The following GATA3 variants were observed in gnomAD, a reference collection of about 807,000 sequenced individuals.
The protein encoded by GATA3 is trans-acting T-cell-specific transcription factor GATA-3.
Under a neutral mutation model 36.0 loss-of-function variants are expected in GATA3, and 6 were observed. The ratio of observed to expected loss-of-function variants is 0.17; its 90% CI spans 0.09 to 0.33. The LOEUF (loss-of-function observed/expected upper bound fraction) is 0.33, where lower values mean the gene tolerates loss of function less well. Ranked by LOEUF, GATA3 falls within the 10% of genes least tolerant of loss-of-function variation. The pLI is 1.00. For missense variants in GATA3, 514 were observed against 610.1 expected, an observed-to-expected ratio of 0.84 and a Z score of 1.66; for synonymous variants, 326 against 273.0, an observed-to-expected ratio of 1.19 and a Z score of -1.92.
rs2131482223 is a variant in GATA3 at position 8,055,691 on chromosome 10, C to T, written c.36C>T (p.Ser12=). Residue 12 remains serine (S), a synonymous_variant, in exon 2 of 6, where the codon AGC becomes AGT. Transcript: ENST00000379328. The surrounding 1 kb of genome is among the most constrained non-coding windows in gnomAD (Gnocchi z 5.4). ...CGGCGGACCAGCCGCGCTGGGTGAG[C>T]CACCACCACCCCGCCGTGCTCAACG... The part of the protein sequence containing the change: ...EVTADQPRWV[S]HHHPAVLNGQ... 9 of 1,559,282 alleles carry T rather than the reference C, an allele frequency of 5.8e-6. No homozygotes were observed. The South Asian group carries it at 1.1e-4, about 18-fold the overall frequency.
Position 8,072,657 on chromosome 10 carries a change from G to T in GATA3, c.1051-1082G>T, listed in dbSNP as rs1045077765. On this transcript the variant is annotated intron_variant, in intron 5 of 5. Coordinates refer to ENST00000379328, the MANE Select transcript of GATA3 (RefSeq NM_001002295.2). ...ATCTTGAGAGTAGGGTCTGGTCTCT[G>T]TCTCTTTACTCTAGCACATTCTTGG... Among the ~76,000 whole-genome samples the T allele has an allele frequency of 3.3e-5, 5 of 152,322 alleles. No individual in the cohort carries two copies. The East Asian group carries it at 9.6e-4, about 29-fold the overall frequency.
At chr10:8,067,796 C>G (rs563466238) in intron 4 of GATA3, among the ~76,000 whole-genome samples, 3 of 152,036 alleles carry the variant, frequency 2.0e-5, no homozygotes, top group Admixed American at 6.5e-5. Flanking sequence ...CCAGCCTGGG[C>G]GACAGAGCGA....
chr10:8,064,311 C>CTTTTTTTTTTTTTTT, intron 4 of GATA3, among the ~76,000 whole-genome samples, 173 bp downstream of exon 4: 1 of 51,426 alleles, frequency 1.9e-5, no homozygotes, highest in Non-Finnish European at 3.8e-5. Flanking sequence ...TCTTCTTCTT[C>CTTTTTTTTTTTTTTT]TTTTTTTTTT....
intron 4 of GATA3, among the ~76,000 whole-genome samples, chr10:8,067,071 C>T (rs1012971424): frequency 6.6e-6 from 1 of 151,674 alleles, no homozygotes; most frequent in Admixed American, 6.6e-5. Flanking sequence ...ATAATAATCA[C>T]ATATAATTTA....
intron 1 of GATA3, among the ~76,000 whole-genome samples, chr10:8,048,064 G>A (rs1351959073): frequency 6.6e-6 from 1 of 152,150 alleles, no homozygotes; most frequent in African/African-American, 2.4e-5. Context: ...CCCTGCCAGA[G>A]TGTCCCGCTA....
chr10:8,062,779 A>G (rs1428594829), intron 3 of GATA3, among the ~76,000 whole-genome samples: 1 of 152,022 alleles, frequency 6.6e-6, no homozygotes, highest in Non-Finnish European at 1.5e-5. Flanking sequence ...GACCAACTTG[A>G]GTTAAGCCTC....
chr10:8,056,544 G>A (rs187361401), intron 2 of GATA3, among the ~76,000 whole-genome samples: 124 of 152,202 alleles, frequency 8.1e-4, no homozygotes, highest in African/African-American at 2.8e-3. Context: ...AAGGGGTTTG[G>A]GGGGGAAGAC....
Position 8,055,781 on chromosome 10 carries a change from G to T in GATA3, c.126G>T (p.Pro42=). Residue 42 remains proline, a synonymous_variant, in exon 2 of 6, where the codon CCG becomes CCT. Coordinates refer to ENST00000379328, the MANE Select transcript of GATA3 (RefSeq NM_001002295.2). The surrounding 1 kb of genome is among the most constrained non-coding windows in gnomAD (Gnocchi z 5.4). ...SHSYMDAAQY[P]LPEEVDVLFN... ...CCTACATGGACGCGGCGCAGTACCCGCTGCCGGAGGAGGTGGATGTGCTTT... is the reference window on the plus strand; with the variant it reads ...CCTACATGGACGCGGCGCAGTACCCTCTGCCGGAGGAGGTGGATGTGCTTT... 6.3e-7 allele frequency: 1 copy of T among 1,592,258 alleles called. No homozygotes were observed.
At chr10:8,050,993 G>C, upstream of GATA3, 1 of 500,280 alleles carries the variant, frequency 2.0e-6, no homozygotes, top group Non-Finnish European at 4.1e-6. Context: ...GCCTGGCTCT[G>C]GTGGGTGGCC....
At chr10:8,051,408 G>C (rs932490889), upstream of GATA3, 1 of 219,510 alleles carries the variant, frequency 4.6e-6, no homozygotes, top group Non-Finnish European at 9.5e-6. Context: ...TCGCCTGCTC[G>C]GCTGCGGGAT....
upstream of GATA3, among the ~76,000 whole-genome samples, chr10:8,054,495 C>T (rs1004677092): frequency 6.6e-6 from 1 of 151,942 alleles, no homozygotes; most frequent in Non-Finnish European, 1.5e-5. This position sits in a 1 kb window ranked among gnomAD's most constrained non-coding sequence, Gnocchi z 4.2. Flanking sequence ...CTGCGGCGCC[C>T]CTTTCCGGTC....
chr10:8,060,191 A>C (rs1485108978), intron 3 of GATA3, among the ~76,000 whole-genome samples: 1 of 152,202 alleles, frequency 6.6e-6, no homozygotes, highest in Non-Finnish European at 1.5e-5. Flanking sequence ...TTATTTTCAG[A>C]CTGCTGCACG....
chr10:8,058,079 A>G (rs1483254670), intron 2 of GATA3, among the ~76,000 whole-genome samples: 1 of 152,116 alleles, frequency 6.6e-6, no homozygotes, highest in Admixed American at 6.5e-5. Context: ...ATTTGATGGG[A>G]CATCCCTGTG....
upstream of GATA3, chr10:8,051,468 C>A: frequency 5.7e-6 from 1 of 176,776 alleles, no homozygotes; most frequent in South Asian, 1.0e-4. Context: ...GCCCCTTACC[C>A]TGGTGAGGGA....
chr10:8,064,539 C>T (rs570613), intron 4 of GATA3, among the ~76,000 whole-genome samples: 91,564 of 151,978 alleles, frequency 0.6, 27,668 homozygotes, highest in South Asian at 0.74. Flanking sequence ...AGTATGAGGA[C>T]GGAATGTTCC....
At chr10:8,056,424 A>C (rs1832640450) in intron 2 of GATA3, among the ~76,000 whole-genome samples, 1 of 152,212 alleles carries the variant, frequency 6.6e-6, no homozygotes, top group African/African-American at 2.4e-5. Flanking sequence ...GAAAGGCCCC[A>C]GAGACCTATT....
chr10:8,048,660 C>G (rs954747803), upstream of GATA3, among the ~76,000 whole-genome samples: 3 of 152,186 alleles, frequency 2.0e-5, no homozygotes, highest in African/African-American at 7.2e-5. Context: ...CTGAAAAGGG[C>G]ACTTTTCCTC....
chr10:8,050,786 T>TAAACACGTG (rs1225529638), upstream of GATA3: 1 of 380,478 alleles, frequency 2.6e-6, no homozygotes, highest in Non-Finnish European at 5.3e-6. Context: ...GCTTGCAAAG[T>TAAACACGTG]CTTTAAGTAA....
intron 3 of GATA3, among the ~76,000 whole-genome samples, chr10:8,063,030 G>A (rs1177805132): frequency 6.6e-6 from 1 of 152,236 alleles, no homozygotes; most frequent in East Asian, 1.9e-4. Context: ...CCTGGGCTGA[G>A]GGAGTGAATG....
Sources: allele counts gnomAD v4.1 joint callset (sites outside exome capture counted in the v4.1 genomes callset), GRCh38; gene constraint gnomAD v4.1.1; non-coding constraint Gnocchi (gnomAD v3.1); transcripts MANE v1.5; gene names NCBI Gene and HGNC (gene_info 2026-07-23, HGNC 2026-07-21).